RASSF8: variants seen among roughly 807,000 people sequenced by gnomAD.
RASSF8 encodes ras association domain-containing protein 8.
A neutral mutation model predicts 48.5 loss-of-function variants in RASSF8; 22 were observed. The ratio of observed to expected loss-of-function variants is 0.45; its 90% confidence interval spans 0.32 to 0.65. The LOEUF is 0.65. RASSF8 is among the 30% of genes least tolerant of loss of function. The pLI is 0.03. For missense variants in RASSF8, 418 were observed against 489.2 expected, an observed-to-expected ratio of 0.85 and a Z score of 1.37; for synonymous variants, 127 against 171.5, an observed-to-expected ratio of 0.74 and a Z score of 2.03.
chr12:25,993,608 C>T (rs1191038821), intron 1 of RASSF8, among the ~76,000 whole-genome samples: 4 of 152,168 alleles, frequency 2.6e-5, no homozygotes, highest in East Asian at 3.8e-4. Context: ...GCTATCCAGT[C>T]GTCTTTCGCA....
chr12:26,033,359 T>C (rs896360415), intron 2 of RASSF8, among the ~76,000 whole-genome samples: 1 of 152,252 alleles, frequency 6.6e-6, no homozygotes, highest in African/African-American at 2.4e-5. Flanking sequence ...CAAATTGTTT[T>C]ATAGCATGTT....
intron 2 of RASSF8, among the ~76,000 whole-genome samples, chr12:26,008,288 C>G (rs2343201): frequency 0.066 from 10,015 of 152,042 alleles, 719 homozygotes; most frequent in East Asian, 0.27. Flanking sequence ...AAAATTATCA[C>G]TTAAATGTTA....
chr12:26,055,173 T>A, intron 2 of RASSF8, 63 bp from the exon 3 acceptor site: 1 of 618,306 alleles, frequency 1.6e-6, no homozygotes, highest in South Asian at 1.9e-5. Flanking sequence ...GTGTAATACT[T>A]ACATACTTAC....
intron 1 of RASSF8, among the ~76,000 whole-genome samples, chr12:25,991,475 G>T (rs1220721400): frequency 1.3e-5 from 2 of 151,766 alleles, no homozygotes; most frequent in Non-Finnish European, 2.9e-5. Flanking sequence ...GGAATGGCTT[G>T]GGTGAATGGT....
In RASSF8 at chr12:26,065,275, A is replaced by G. The variant is rs371542174; in HGVS notation, c.881A>G (p.Lys294Arg). The G allele has an allele frequency of 3.7e-6, 6 of 1,614,166 alleles. No individual in the cohort carries two copies. Among genetic ancestry groups the G allele is most frequent in the African/African-American group, 1.3e-5 (1 of 75,044 alleles). ...GTCAATGAGGAAGAGGTTAAAGGAA[A>G]GATCGGTAAGGTCAAAGGGGAGATT... ...AQVNEEEVKG[K>R]IGKVKGEIDI... The change falls in exon 4 of 6, where the codon AAG becomes AGG. Residue 294 changes from lysine (K) to arginine (R), a missense_variant. Coordinates refer to ENST00000689635, the MANE Select transcript of RASSF8 (RefSeq NM_001394098.1).
intron 3 of RASSF8, among the ~76,000 whole-genome samples, chr12:26,059,272 T>C (rs1362609923): frequency 4.6e-5 from 7 of 152,128 alleles, no homozygotes; most frequent in African/African-American, 7.2e-5. Flanking sequence ...ATCAAGGAGA[T>C]TGAGGAAAAG....
chr12:26,070,225 T>C lies in RASSF8; in HGVS notation c.*1407T>C. The C allele has an allele frequency of 2.1e-6, 2 of 971,714 alleles. No homozygotes were observed. The highest frequency in any genetic ancestry group is 9.5e-5 in the South Asian group (2 of 20,954). The allele number at this position is 971,714 out of a possible 1,614,324, so 60.2% of individuals were successfully genotyped here. A position where few individuals can be genotyped will look rare whatever the true frequency, so the allele number is the denominator to read the frequency against. On this transcript the variant is annotated 3_prime_UTR_variant, in exon 6 of 6. Coordinates refer to ENST00000689635, the MANE Select transcript of RASSF8 (RefSeq NM_001394098.1). ...ACAAAATAAAAGTGGATTAATATAG[T>C]AATGCCATGGTAACAATAGAGCTAT...
intron 2 of RASSF8, among the ~76,000 whole-genome samples, chr12:25,997,933 A>G (rs1942169565): frequency 6.6e-6 from 1 of 152,190 alleles, no homozygotes; most frequent in Admixed American, 6.5e-5. Flanking sequence ...TCAGCTGTTT[A>G]TATTTGAGAT....
chr12:26,055,216 G>C lies in RASSF8; in HGVS notation c.-108-20G>C. ...AATGTTGATTCATTTTATTACAAGT[G>C]ATTTTTTGCCCTTTTTTAGCTGACT... On this transcript the variant is annotated intron_variant, in intron 2 of 5. Transcript: ENST00000689635. The C allele has an allele frequency of 1.4e-6, 1 of 698,730 alleles. No homozygotes were observed. Among genetic ancestry groups the C allele is most frequent in the Admixed American group, 2.4e-5 (1 of 41,726 alleles). 43.3% of individuals were successfully genotyped at this position (698,730 alleles called of 1,614,324 possible). A position where few individuals can be genotyped will look rare whatever the true frequency, so the allele number is the denominator to read the frequency against.
intron 2 of RASSF8, among the ~76,000 whole-genome samples, chr12:26,022,987 TC>T (rs1942823841): frequency 6.6e-6 from 1 of 152,096 alleles, no homozygotes; most frequent in Non-Finnish European, 1.5e-5. Flanking sequence ...CCTCAGGTGA[TC>T]ACCCACCTCG....
At chr12:26,058,522 A>G (rs1943661346) in intron 3 of RASSF8, among the ~76,000 whole-genome samples, 1 of 114,394 alleles carries the variant, frequency 8.7e-6, no homozygotes. Context: ...CACTACACAC[A>G]TGCGCACGCG....
At chr12:26,049,582 G>A (rs1943446647) in intron 2 of RASSF8, among the ~76,000 whole-genome samples, 1 of 152,174 alleles carries the variant, frequency 6.6e-6, no homozygotes. Context: ...TATGAGAGAA[G>A]TCTCTACTTC....
At position 26,033,370 on chromosome 12, in the gene RASSF8, T is replaced by G. The variant is rs373182180; in HGVS notation, c.-108-21866T>G. Among the ~76,000 whole-genome samples the G allele has an allele frequency of 1.4e-4, 21 of 152,356 alleles. 1 individual carries two copies. Among genetic ancestry groups the G allele is most frequent in the African/African-American group, 5.1e-4 (21 of 41,576 alleles). Reference sequence around the variant, plus strand: ...CCCACAAATTGTTTTATAGCATGTTTTTGATTTCACAATATAAAATGACAA... The same window carrying G: ...CCCACAAATTGTTTTATAGCATGTTGTTGATTTCACAATATAAAATGACAA... On this transcript the variant is annotated intron_variant, in intron 2 of 5. Transcript: ENST00000689635.
intron 2 of RASSF8, among the ~76,000 whole-genome samples, chr12:26,004,817 A>G (rs558057662): frequency 4.6e-5 from 7 of 152,258 alleles, no homozygotes; most frequent in Admixed American, 3.9e-4. Context: ...TGAAATTATT[A>G]GTCATTGTAC....
intron 1 of RASSF8, among the ~76,000 whole-genome samples, chr12:25,980,178 T>A (rs1284999693): frequency 6.6e-6 from 1 of 152,226 alleles, no homozygotes; most frequent in Non-Finnish European, 1.5e-5. Flanking sequence ...AGTGGGTTTA[T>A]CTTAACAGGG....
At chr12:25,973,990 G>A (rs1358262283) in intron 1 of RASSF8, 1 of 152,118 alleles carries the variant, frequency 6.6e-6, no homozygotes, top group Non-Finnish European at 1.5e-5. Context: ...GATGAGAGAA[G>A]GGTGTTATTA....
At chr12:26,077,919 A>C (rs2137358143) in intron 5 of RASSF8, among the ~76,000 whole-genome samples, 1 of 152,258 alleles carries the variant, frequency 6.6e-6, no homozygotes, top group South Asian at 2.1e-4. Flanking sequence ...TATCTCTAAA[A>C]CCTCTGAAAT....
At chr12:26,048,813 G>A (rs528623958) in intron 2 of RASSF8, among the ~76,000 whole-genome samples, 1 of 152,148 alleles carries the variant, frequency 6.6e-6, no homozygotes, top group East Asian at 1.9e-4. Flanking sequence ...GAGTGCAATG[G>A]TGCATTCTTG....
chr12:26,064,752 A>T lies in RASSF8; in HGVS notation c.358A>T (p.Ile120Phe). The change falls in exon 4 of 6, where the codon ATC becomes TTC. Residue 120 changes from isoleucine (I) to phenylalanine (F), a missense_variant. By Grantham distance (21) the Ile-to-Phe change is conservative. Coordinates refer to ENST00000689635, the MANE Select transcript of RASSF8 (RefSeq NM_001394098.1). The stretch of plus-strand genomic sequence containing the variant: ...ACTGAGGCCTCAGATTGACAAATCA[A>T]TCAAAAGGAGGGAACCGAAAAGGAA... ...AKLRPQIDKSIKRREPKRKSL... is the reference protein window; with the variant it reads ...AKLRPQIDKSFKRREPKRKSL... 2 of 1,614,210 alleles carry T rather than the reference A, an allele frequency of 1.2e-6. No individual in the cohort carries two copies. The highest frequency in any genetic ancestry group is 1.6e-4 in the Middle Eastern group (1 of 6,062).
Sources: gnomAD v4.1 joint callset for allele counts (sites outside exome capture counted in the v4.1 genomes callset) on GRCh38, gnomAD v4.1.1 for gene constraint, MANE v1.5 for transcripts, NCBI Gene and HGNC (gene_info 2026-07-23, HGNC 2026-07-21) for gene names.